The following IL20RA variants were observed in gnomAD, a reference collection of about 807,000 sequenced individuals.
IL20RA encodes the protein interleukin-20 receptor subunit alpha.
Under a neutral mutation model 36.5 loss-of-function variants are expected in IL20RA, and 29 were observed. The ratio of observed to expected loss-of-function variants is 0.79; its 90% CI spans 0.59 to 1.08. IL20RA has a LOEUF of 1.08. IL20RA is among the 50% of genes least tolerant of loss of function. The pLI, the probability that IL20RA is intolerant of heterozygous loss-of-function variation, is 0.00. For synonymous variants in IL20RA, 279 were observed against 267.1 expected, an observed-to-expected ratio of 1.04 and a Z score of -0.43; for missense variants, 652 against 668.4, an observed-to-expected ratio of 0.98 and a Z score of 0.27.
In IL20RA at chr6:137,011,358, G is replaced by T; in HGVS notation, c.319C>A (p.Gln107Lys). Residue 107 changes from glutamine to lysine, a missense_variant, in exon 3 of 7, where the codon CAG becomes AAG. Transcript: ENST00000316649. ...ATGGCCTTAACTTTGGCATAATACT[G>T]GTGTTCGTAGTCAGAAGTTTCAGCA... ...LSAETSDYEH[Q>K]YYAKVKAIWG... The T allele has an allele frequency of 6.2e-7, 1 of 1,613,268 alleles. No individual in the cohort carries two copies. Among genetic ancestry groups the T allele is most frequent in the South Asian group, 1.1e-5 (1 of 91,054 alleles).
At position 137,044,690 on chromosome 6, in the gene IL20RA, C is replaced by T. The variant is rs1374564864; in HGVS notation, c.39G>A (p.Pro13=). 3 of 1,224,144 alleles carry T rather than the reference C, an allele frequency of 2.5e-6. No homozygotes were observed. Among genetic ancestry groups the T allele is most frequent in the Non-Finnish European group, 3.1e-6 (3 of 983,474 alleles). 75.8% of individuals were successfully genotyped at this position (1,224,144 alleles called of 1,614,324 possible). Residue 13 remains proline (P), a synonymous_variant, in exon 1 of 7, where the codon CCG becomes CCA. Coordinates refer to ENST00000316649, the MANE Select transcript of IL20RA (RefSeq NM_014432.4). The stretch of plus-strand genomic sequence containing the variant: ...GGAGCAACAGCAGCAGCGGCGGCAG[C>T]GGCAGCGGCCGCAGGGCCGGGCGGC... ...APGRPALRPL[P]LPPLLLLLLA...
chr6:137,026,319 T>C (rs1776088493), intron 1 of IL20RA, among the ~76,000 whole-genome samples: 2 of 152,216 alleles, frequency 1.3e-5, no homozygotes, highest in African/African-American at 4.8e-5. Flanking sequence ...CCAGGAACTC[T>C]TCGGGCTGAC....
chr6:137,038,065 G>A (rs1217474430), intron 1 of IL20RA: 2 of 152,316 alleles, frequency 1.3e-5, no homozygotes, highest in Non-Finnish European at 2.9e-5. Context: ...ACAATCAAGA[G>A]AGTGGCAGCT....
At chr6:137,036,653 T>C (rs1198033171) in intron 1 of IL20RA, among the ~76,000 whole-genome samples, 1 of 151,140 alleles carries the variant, frequency 6.6e-6, no homozygotes, top group Non-Finnish European at 1.5e-5. Flanking sequence ...ACAGAATGGA[T>C]TCTCCCTCAC....
chr6:137,005,646 TTTG>T (rs1019141217), intron 5 of IL20RA, among the ~76,000 whole-genome samples: 7 of 151,974 alleles, frequency 4.6e-5, no homozygotes, highest in Non-Finnish European at 7.4e-5. Flanking sequence ...TGTGAAGGTT[TTTG>T]TTGTTGTTGT....
intron 1 of IL20RA, among the ~76,000 whole-genome samples, chr6:137,037,660 G>C (rs1776535746): frequency 6.6e-6 from 1 of 152,122 alleles, no homozygotes; most frequent in Non-Finnish European, 1.5e-5. Context: ...GAATGTTGTA[G>C]ACCAGCAGTC....
chr6:137,026,715 G>A (rs62420789), intron 1 of IL20RA, among the ~76,000 whole-genome samples: 5,458 of 152,204 alleles, frequency 0.036, 138 homozygotes, highest in Non-Finnish European at 0.052. Context: ...AGCAAAACAG[G>A]TATGACTGCC....
At chr6:137,003,997 G>A (rs758765617) in intron 6 of IL20RA, among the ~76,000 whole-genome samples, 2 of 152,064 alleles carry the variant, frequency 1.3e-5, no homozygotes, top group African/African-American at 4.8e-5. Context: ...GCCTTCATGT[G>A]TTATTTTGAA....
At chr6:137,016,671 T>C (rs1357618495) in intron 2 of IL20RA, among the ~76,000 whole-genome samples, 2 of 152,150 alleles carry the variant, frequency 1.3e-5, no homozygotes, top group Non-Finnish European at 2.9e-5. Context: ...GCTTAGAAAT[T>C]TCAAGATGAT....
chr6:137,042,595 A>G (rs555261166), intron 1 of IL20RA, among the ~76,000 whole-genome samples: 3 of 152,272 alleles, frequency 2.0e-5, no homozygotes, highest in African/African-American at 7.2e-5. Context: ...GGAGCCGCAT[A>G]GACATTTTGA....
intron 2 of IL20RA, among the ~76,000 whole-genome samples, chr6:137,015,137 C>T (rs1775635922): frequency 6.6e-6 from 1 of 152,200 alleles, no homozygotes; most frequent in Non-Finnish European, 1.5e-5. Context: ...CCAATAACTT[C>T]ACCAGGATAT....
At chr6:137,009,074 A>G (rs1775378090) in intron 4 of IL20RA, 1 of 583,014 alleles carries the variant, frequency 1.7e-6, no homozygotes, top group Non-Finnish European at 3.0e-6. Context: ...ATCAAAGTGA[A>G]GTGTACAATC....
At position 137,001,736 on chromosome 6, in the gene IL20RA, G is replaced by A; in HGVS notation, c.1484C>T (p.Ser495Phe). 1.2e-6 allele frequency: 2 copies of A among 1,613,694 alleles called. No individual in the cohort carries two copies. The highest frequency in any genetic ancestry group is 1.7e-6 in the Non-Finnish European group (2 of 1,179,750). ...QTGRLCIPSL[S>F]SFDQDSEGCE... is the part of the protein sequence containing the mutation. ...GCCCTCTGAATCCTGGTCGAAGCTG[G>A]ACAGCGAAGGAATACACAGCCTGCC... Residue 495 changes from serine (S) to phenylalanine (F), a missense_variant, in exon 7 of 7, where the codon TCC (serine) becomes TTC (phenylalanine). Coordinates refer to ENST00000316649, the MANE Select transcript of IL20RA (RefSeq NM_014432.4).
At chr6:137,004,174 T>TG (rs548602821) in intron 6 of IL20RA, among the ~76,000 whole-genome samples, 6 of 124,450 alleles carry the variant, frequency 4.8e-5, no homozygotes, top group Admixed American at 8.3e-5. Flanking sequence ...TTTTTTTTTT[T>TG]TTTTTTTTTT....
At chr6:137,036,078 G>A (rs6911919) in intron 1 of IL20RA, among the ~76,000 whole-genome samples, 6,905 of 152,208 alleles carry the variant, frequency 0.045, 538 homozygotes, top group African/African-American at 0.16. Flanking sequence ...TGACAGCTCT[G>A]CCTTATGGTC....
At chr6:137,014,980 T>C (rs895470537) in intron 2 of IL20RA, among the ~76,000 whole-genome samples, 1 of 152,238 alleles carries the variant, frequency 6.6e-6, no homozygotes, top group Non-Finnish European at 1.5e-5. Context: ...ACCAGTCTAC[T>C]GAACTTCGTA....
intron 1 of IL20RA, among the ~76,000 whole-genome samples, chr6:137,040,671 A>G (rs1562244652): frequency 6.6e-6 from 1 of 152,236 alleles, no homozygotes; most frequent in Non-Finnish European, 1.5e-5. Flanking sequence ...AAAGAAGAAG[A>G]CACATCCATG....
intron 1 of IL20RA, among the ~76,000 whole-genome samples, chr6:137,026,942 C>G (rs1281377879): frequency 6.6e-6 from 1 of 151,670 alleles, no homozygotes; most frequent in Non-Finnish European, 1.5e-5. Context: ...AGTGTAGTGG[C>G]GCAATCTTGG....
At chr6:137,039,769 C>T (rs573076199) in intron 1 of IL20RA, among the ~76,000 whole-genome samples, 4 of 152,300 alleles carry the variant, frequency 2.6e-5, no homozygotes, top group African/African-American at 9.6e-5. Flanking sequence ...CCACACTTGT[C>T]TGAGAAAACC....
Sources: gnomAD v4.1 joint callset for allele counts (sites outside exome capture counted in the v4.1 genomes callset) on GRCh38, gnomAD v4.1.1 for gene constraint, MANE v1.5 for transcripts, NCBI Gene and HGNC (gene_info 2026-07-23, HGNC 2026-07-21) for gene names.